Variants in ZZZ3 observed in about 807,000 individuals in gnomAD.
ZZZ3 encodes the protein ZZ-type zinc finger-containing protein 3.
In ZZZ3, 22 loss-of-function variants were observed where a neutral mutation model predicts 95.2. That is an observed-to-expected ratio of 0.23 (90% CI 0.17 to 0.33). The LOEUF is 0.33. Ranked by LOEUF, ZZZ3 falls within the 10% of genes least tolerant of loss-of-function variation. The pLI, the probability that ZZZ3 is intolerant of heterozygous loss-of-function variation, is 1.00. For missense variants in ZZZ3, 885 were observed against 1,066.5 expected, an observed-to-expected ratio of 0.83 and a Z score of 2.37; for synonymous variants, 335 against 358.9, an observed-to-expected ratio of 0.93 and a Z score of 0.75.
At chr1:77,625,175 G>GT (rs923144230) in intron 5 of ZZZ3, among the ~76,000 whole-genome samples, 52 of 152,262 alleles carry the variant, frequency 3.4e-4, no homozygotes, top group African/African-American at 1.2e-3. Context: ...ATAAATAATT[G>GT]TTTTAGATGG....
intron 5 of ZZZ3, among the ~76,000 whole-genome samples, chr1:77,625,536 G>A (rs1023421902): frequency 2.0e-5 from 3 of 151,992 alleles, no homozygotes; most frequent in Non-Finnish European, 4.4e-5. Flanking sequence ...AAAAGTCACA[G>A]AACTTAGAAA....
At chr1:77,674,946 G>A (rs1380393149) in intron 1 of ZZZ3, among the ~76,000 whole-genome samples, 2 of 145,030 alleles carry the variant, frequency 1.4e-5, no homozygotes, top group Non-Finnish European at 3.0e-5. Context: ...AGTAAGACTC[G>A]GTCTCAAAAA....
At chr1:77,637,512 A>T (rs1246362129) in intron 4 of ZZZ3, among the ~76,000 whole-genome samples, 5 of 152,172 alleles carry the variant, frequency 3.3e-5, no homozygotes, top group Non-Finnish European at 7.3e-5. Context: ...CAGTTAATAA[A>T]AAGGGACCAA....
chr1:77,620,254 T>C (rs778765623), intron 5 of ZZZ3, among the ~76,000 whole-genome samples: 3 of 152,262 alleles, frequency 2.0e-5, no homozygotes, highest in African/African-American at 4.8e-5. Flanking sequence ...CAAGATTCAA[T>C]TGGAATAGAA....
At chr1:77,663,075 A>C (rs1159265944) in intron 1 of ZZZ3, among the ~76,000 whole-genome samples, 2 of 152,090 alleles carry the variant, frequency 1.3e-5, no homozygotes, top group Non-Finnish European at 2.9e-5. Flanking sequence ...ACTGCACTCC[A>C]GGCTGGGTAA....
chr1:77,631,835 C>G lies in ZZZ3; in HGVS notation c.1505+15G>C. 1 of 1,521,548 alleles carries G rather than the reference C, an allele frequency of 6.6e-7. No individual in the cohort carries two copies. The allele number at this position is 1,521,548 out of a possible 1,614,324, so 94.3% of individuals were successfully genotyped here. A position where few individuals can be genotyped will look rare whatever the true frequency, so the allele number is the denominator to read the frequency against. On this transcript the variant is annotated intron_variant, in intron 5 of 14. Transcript: ENST00000370801. ...TAAACAAAGCAGAATTCATGGTTAC[C>G]ATATTTACACATACTCTTTGTTGTG...
chr1:77,661,928 C>T (rs933919578), intron 1 of ZZZ3, among the ~76,000 whole-genome samples: 10 of 151,672 alleles, frequency 6.6e-5, no homozygotes, highest in Admixed American at 3.3e-4. Context: ...GCAATCCTCC[C>T]ACCTAAATCT....
At chr1:77,616,539 C>A (rs904594211) in intron 5 of ZZZ3, among the ~76,000 whole-genome samples, 14 of 152,128 alleles carry the variant, frequency 9.2e-5, no homozygotes, top group Non-Finnish European at 1.9e-4. Flanking sequence ...AATTTTCACA[C>A]TTTTTGCTCT....
chr1:77,603,557 G>A (rs979091628), intron 5 of ZZZ3, among the ~76,000 whole-genome samples: 7 of 152,106 alleles, frequency 4.6e-5, no homozygotes, highest in Non-Finnish European at 7.4e-5. Flanking sequence ...TTCCCAAAGC[G>A]GTGTAAGGAC....
chr1:77,645,727 T>A (rs1054544670), intron 1 of ZZZ3: 1 of 152,058 alleles, frequency 6.6e-6, no homozygotes, highest in African/African-American at 2.4e-5. Flanking sequence ...ATGCAGCACT[T>A]TGGGAGGCTG....
chr1:77,608,483 G>A (rs1332132713), intron 5 of ZZZ3, among the ~76,000 whole-genome samples: 1 of 152,180 alleles, frequency 6.6e-6, no homozygotes, highest in African/African-American at 2.4e-5. Context: ...CATCAGACCT[G>A]TCCTACAAGA....
chr1:77,628,555 T>A (rs1450470484), intron 5 of ZZZ3, among the ~76,000 whole-genome samples: 1 of 152,168 alleles, frequency 6.6e-6, no homozygotes, highest in African/African-American at 2.4e-5. Context: ...AAATCACATC[T>A]AAGACTAGGA....
intron 1 of ZZZ3, among the ~76,000 whole-genome samples, chr1:77,654,185 CAAAAAAAAA>C (rs749067016): frequency 3.0e-5 from 2 of 66,344 alleles, no homozygotes; most frequent in Non-Finnish European, 6.2e-5. Context: ...GACTCCATCT[CAAAAAAAAA>C]AAAAAAAAAA....
At chr1:77,644,134 C>T (rs1413239866) in intron 1 of ZZZ3, among the ~76,000 whole-genome samples, 2 of 151,530 alleles carry the variant, frequency 1.3e-5, no homozygotes, top group South Asian at 2.1e-4. Flanking sequence ...GGTGCGATCT[C>T]GACTCAATGC....
chr1:77,618,471 G>C (rs1361981322), intron 5 of ZZZ3, among the ~76,000 whole-genome samples: 1 of 151,942 alleles, frequency 6.6e-6, no homozygotes, highest in African/African-American at 2.4e-5. Context: ...AAGGAAGAAA[G>C]TGTGCAAAAA....
intron 3 of ZZZ3, among the ~76,000 whole-genome samples, chr1:77,640,544 G>A (rs972915344): frequency 6.7e-6 from 1 of 149,642 alleles, no homozygotes; most frequent in African/African-American, 2.5e-5. Flanking sequence ...AGGTTGCAGT[G>A]AGCCAAGATC....
At chr1:77,621,844 A>C (rs1319285108) in intron 5 of ZZZ3, among the ~76,000 whole-genome samples, 2 of 152,020 alleles carry the variant, frequency 1.3e-5, no homozygotes, top group Non-Finnish European at 2.9e-5. Flanking sequence ...ATAACGATAA[A>C]AGAAAAAAGA....
At chr1:77,641,865 C>A (rs1288805911) in intron 1 of ZZZ3, among the ~76,000 whole-genome samples, 1 of 152,056 alleles carries the variant, frequency 6.6e-6, no homozygotes, top group Admixed American at 6.5e-5. Context: ...CAGGGAGTAC[C>A]CACATACAAA....
chr1:77,679,036 C>T (rs72938017), intron 1 of ZZZ3, among the ~76,000 whole-genome samples: 1 of 152,118 alleles, frequency 6.6e-6, no homozygotes, highest in Non-Finnish European at 1.5e-5. Flanking sequence ...AAATTACCTA[C>T]ATAAATGAGA....
Sources: allele counts gnomAD v4.1 joint callset (sites outside exome capture counted in the v4.1 genomes callset), GRCh38; gene constraint gnomAD v4.1.1; transcripts MANE v1.5; gene names NCBI Gene and HGNC (gene_info 2026-07-23, HGNC 2026-07-21).